Variants in GCN1 observed in about 807,000 individuals in gnomAD.
The protein encoded by GCN1 is GCN1 activator of EIF2AK4.
Under a neutral mutation model 288.4 loss-of-function variants are expected in GCN1, and 90 were observed. The ratio of observed to expected loss-of-function variants is 0.31; its 90% CI spans 0.26 to 0.37. The LOEUF (loss-of-function observed/expected upper bound fraction) is 0.37. GCN1 is among the 10% of genes least tolerant of loss of function. The probability of loss-of-function intolerance (pLI) is 1.00; values close to 1 mark genes in which losing one functional copy is unlikely to be tolerated. For missense variants in GCN1, 2,586 were observed against 3,419.9 expected, an observed-to-expected ratio of 0.76 and a Z score of 6.08; for synonymous variants, 1,386 against 1,420.2, an observed-to-expected ratio of 0.98 and a Z score of 0.54.
intron 16 of GCN1, among the ~76,000 whole-genome samples, chr12:120,167,974 G>T (rs901740273): frequency 3.3e-5 from 5 of 151,346 alleles, no homozygotes; most frequent in African/African-American, 1.2e-4. Context: ...AGCTCATGTC[G>T]TAGCTCCACA....
At chr12:120,174,031 T>C (rs1378022757) in intron 13 of GCN1, 40 bp downstream of exon 13, 2 of 1,255,842 alleles carry the variant, frequency 1.6e-6, no homozygotes, top group African/African-American at 2.9e-5. Flanking sequence ...CGGTCAAGGA[T>C]GAGTACAGAA....
intron 51 of GCN1, among the ~76,000 whole-genome samples, chr12:120,135,971 G>A (rs546320941): frequency 3.9e-5 from 6 of 152,024 alleles, no homozygotes; most frequent in South Asian, 4.2e-4. Context: ...AGCCGAGATC[G>A]CGCCACTGCA....
rs189385660 is a variant in GCN1 at position 120,187,359 on chromosome 12, G to T, written c.122-2472C>A. Among the ~76,000 whole-genome samples the T allele has an allele frequency of 1.1e-4, 16 of 151,888 alleles. No individual in the cohort carries two copies. In the East Asian group the frequency reaches 2.9e-3, roughly 28 times the overall value. ...TCCCAAAGTAGCTGGGATTACAGGT[G>T]CCCACCACCACACCCAGCTAATTTT... On this transcript the variant is annotated intron_variant, in intron 2 of 57. Coordinates refer to ENST00000300648, the MANE Select transcript of GCN1 (RefSeq NM_006836.2).
At chr12:120,175,274 A>T in intron 11 of GCN1, 62 bp from the exon 12 acceptor site, 15 of 1,401,772 alleles carry the variant, frequency 1.1e-5, no homozygotes, top group Non-Finnish European at 1.5e-5. Flanking sequence ...GAGAGTGAAC[A>T]ATGCAGTCAC....
rs185454069 is a variant in GCN1, at chr12:120,180,446, C to T, written c.427-1496G>A. On this transcript the variant is annotated intron_variant, in intron 5 of 57. Coordinates refer to ENST00000300648, the MANE Select transcript of GCN1 (RefSeq NM_006836.2). Reference sequence around the variant, plus strand: ...CCTGGCCAACATGGTGAAACCCTGTCGCTACTAAAAATACAAAAATTAGCC... The same window carrying T: ...CCTGGCCAACATGGTGAAACCCTGTTGCTACTAAAAATACAAAAATTAGCC... Among the ~76,000 whole-genome samples the T allele has an allele frequency of 6.3e-3, 942 of 149,878 alleles. 11 individuals carry two copies. The highest frequency in any genetic ancestry group is 0.022 in the African/African-American group (895 of 40,660).
Sources: gnomAD v4.1 joint callset for allele counts (sites outside exome capture counted in the v4.1 genomes callset) on GRCh38, gnomAD v4.1.1 for gene constraint, MANE v1.5 for transcripts, NCBI Gene and HGNC (gene_info 2026-07-23, HGNC 2026-07-21) for gene names.